MAP3K13: variants seen among roughly 807,000 people sequenced by gnomAD.
The protein encoded by MAP3K13 is mitogen-activated protein kinase kinase kinase 13.
Under a neutral mutation model 104.0 loss-of-function variants are expected in MAP3K13, and 52 were observed. The observed-to-expected ratio is 0.50, with a 90% CI of 0.40 to 0.63. The LOEUF is 0.63. Among genes scored for constraint, MAP3K13 ranks in the 20% least tolerant of loss-of-function variants. The probability of loss-of-function intolerance (pLI) is 0.00; values close to 1 mark genes in which losing one functional copy is unlikely to be tolerated. For synonymous variants in MAP3K13, 394 were observed against 442.2 expected, an observed-to-expected ratio of 0.89 and a Z score of 1.37; for missense variants, 914 against 1,218.5, an observed-to-expected ratio of 0.75 and a Z score of 3.72.
rs182670153 is a variant in MAP3K13, at chr3:185,288,500, T to G, written c.-86+2857T>G. Among the ~76,000 whole-genome samples, 823 of 132,766 alleles carry G rather than the reference T, an allele frequency of 6.2e-3. 4 individuals are homozygous for G. The highest frequency in any genetic ancestry group is 8.1e-3 in the Non-Finnish European group (512 of 63,096). The allele number at this position is 132,766 out of a possible 152,430, so 87.1% of individuals were successfully genotyped here. A position where few individuals can be genotyped will look rare whatever the true frequency, so the allele number is the denominator to read the frequency against. ...AGAAATATATGTGTGTGTATATATA[T>G]AGAGAGAGAAAAAGAGAATATGTGT... On this transcript the variant is annotated intron_variant, in intron 2 of 14. Coordinates refer to the MAP3K13 transcript ENST00000424227.
intron 2 of MAP3K13, among the ~76,000 whole-genome samples, chr3:185,431,091 T>A (rs964130843): frequency 3.3e-5 from 5 of 152,028 alleles, no homozygotes; most frequent in Admixed American, 6.6e-5. Flanking sequence ...GAGCACTCAC[T>A]CACTATCACC....
intron 1 of MAP3K13, among the ~76,000 whole-genome samples, chr3:185,364,729 C>A (rs772579255): frequency 1.3e-5 from 2 of 152,116 alleles, no homozygotes; most frequent in Non-Finnish European, 2.9e-5. Context: ...TTTGAACTTG[C>A]TGGAGTAATA....
chr3:185,453,606 T>C (rs1282206257), intron 7 of MAP3K13, among the ~76,000 whole-genome samples: 2 of 151,364 alleles, frequency 1.3e-5, no homozygotes, highest in African/African-American at 2.4e-5. Context: ...CTGTCTCTAC[T>C]AAAAATACAA....
chr3:185,402,340 A>T (rs147378497), intron 1 of MAP3K13, among the ~76,000 whole-genome samples: 41 of 152,160 alleles, frequency 2.7e-4, no homozygotes, highest in African/African-American at 9.6e-4. Flanking sequence ...TTTTTTCTAC[A>T]AATTATTTTT....
intron 2 of MAP3K13, among the ~76,000 whole-genome samples, chr3:185,356,519 T>C (rs1440965204): frequency 1.3e-5 from 2 of 152,210 alleles, no homozygotes; most frequent in African/African-American, 4.8e-5. Flanking sequence ...CTTTCCTTTA[T>C]CTCTGGTCTG....
chr3:185,451,149 C>A (rs1715858633), intron 6 of MAP3K13, 138 bp from the exon 7 acceptor site: 1 of 596,622 alleles, frequency 1.7e-6, no homozygotes, highest in Non-Finnish European at 3.0e-6. Flanking sequence ...TTATGCTATC[C>A]TGATATAATG....
chr3:185,362,957 GCACA>G (rs869143488), upstream of MAP3K13: 260 of 90,686 alleles, frequency 2.9e-3, no homozygotes, highest in African/African-American at 8.8e-3. Flanking sequence ...ACACACACAC[GCACA>G]CACACACACA....
chr3:185,304,929 G>T (rs1361668297), intron 2 of MAP3K13, among the ~76,000 whole-genome samples: 2 of 58,082 alleles, frequency 3.4e-5, no homozygotes, highest in Non-Finnish European at 9.8e-5. Flanking sequence ...ACCGCACCCG[G>T]CCACCCCTGT....
At chr3:185,412,797 T>C (rs1250922487) in intron 1 of MAP3K13, among the ~76,000 whole-genome samples, 1 of 152,234 alleles carries the variant, frequency 6.6e-6, no homozygotes, top group African/African-American at 2.4e-5. Context: ...TTGTTCATCC[T>C]GGAGCTTTTG....
At chr3:185,407,869 A>ATTTTTTTTTTTTTTTTTTTTTTTTT (rs35693572) in intron 1 of MAP3K13, among the ~76,000 whole-genome samples, 1 of 69,096 alleles carries the variant, frequency 1.4e-5, no homozygotes, top group Non-Finnish European at 2.7e-5. Flanking sequence ...AATTTTGAGA[A>ATTTTTTTTTTTTTTTTTTTTTTTTT]TTTTTTTTTT....
At chr3:185,391,275 C>T (rs1201581812) in intron 1 of MAP3K13, among the ~76,000 whole-genome samples, 1 of 152,170 alleles carries the variant, frequency 6.6e-6, no homozygotes, top group Non-Finnish European at 1.5e-5. Flanking sequence ...TTTTCTGTCT[C>T]TATGAATTTG....
intron 1 of MAP3K13, among the ~76,000 whole-genome samples, chr3:185,393,578 C>G (rs1712201870): frequency 6.6e-6 from 1 of 151,946 alleles, no homozygotes; most frequent in Non-Finnish European, 1.5e-5. Context: ...CCTGCCTCAG[C>G]CTCCTGAGTA....
chr3:185,480,330 C>T lies in MAP3K13; in HGVS notation c.2600C>T (p.Ser867Leu), dbSNP rs898988326. 1.2e-6 allele frequency: 2 copies of T among 1,614,228 alleles called. No homozygotes were observed. The highest frequency in any genetic ancestry group is 8.5e-7 in the Non-Finnish European group (1 of 1,180,052). ...GAAGAGGGAAATACCAGTGACCACT[C>T]AAACAGTCCTGATGAGTTAGCTGAT... The part of the protein sequence containing the change: ...DGEEGNTSDH[S>L]NSPDELADKL... The change falls in exon 13 of 14, where the codon TCA (serine) becomes TTA (leucine). Residue 867 changes from serine (S) to leucine (L), a missense_variant. Transcript: ENST00000265026.
At chr3:185,467,547 G>A (rs1024754435) in intron 10 of MAP3K13, among the ~76,000 whole-genome samples, 1 of 152,162 alleles carries the variant, frequency 6.6e-6, no homozygotes, top group Non-Finnish European at 1.5e-5. Flanking sequence ...CACTTTGGGA[G>A]GCCGAGGTGG....
chr3:185,456,958 G>A (rs996117614), intron 7 of MAP3K13, among the ~76,000 whole-genome samples: 1 of 152,090 alleles, frequency 6.6e-6, no homozygotes, highest in Non-Finnish European at 1.5e-5. Context: ...AGCAATTTCT[G>A]ATGATGGTAT....
chr3:185,466,369 C>CTTTTT (rs59523963), intron 9 of MAP3K13, among the ~76,000 whole-genome samples: 29 of 85,316 alleles, frequency 3.4e-4, no homozygotes, highest in African/African-American at 4.0e-4. Context: ...TTAGTATTTC[C>CTTTTT]TTTTTTTTTT....
Position 185,473,748 on chromosome 3 carries a change from G to A in MAP3K13, c.2417G>A (p.Arg806Lys), listed in dbSNP as rs757652611. The A allele has an allele frequency of 6.6e-5, 106 of 1,612,840 alleles. No homozygotes were observed. The highest frequency in any genetic ancestry group is 8.3e-5 in the Non-Finnish European group (98 of 1,179,668). ...GTPPALPRKT[R>K]PLQKSGDDSS... ...CCTCCAGCGCTACCTCGAAAAACAA[G>A]GCCTCTGCAGAAGGTAAAGTGTAAT... The change falls in exon 11 of 14, where the codon AGG becomes AAG. Residue 806 changes from arginine (R) to lysine (K), a missense_variant. Physicochemically the swap from Arg to Lys is conservative, Grantham distance 26. Transcript: ENST00000265026. This position sits in a 1 kb window ranked among gnomAD's most constrained non-coding sequence, Gnocchi z 4.9.
rs1033653401 is a variant in MAP3K13 at position 185,473,374 on chromosome 3, C to T, written c.2043C>T (p.Ser681=). ...RYFGPAAALR[S]PLSNHAQRQL... Reference sequence around the variant, plus strand: ...TCGGCCCAGCAGCAGCCCTGCGGAGCCCACTCAGCAACCATGCTCAGAGAC... The same window carrying T: ...TCGGCCCAGCAGCAGCCCTGCGGAGTCCACTCAGCAACCATGCTCAGAGAC... Residue 681 remains serine (S), a synonymous_variant, in exon 11 of 14, where the codon AGC becomes AGT. Coordinates refer to ENST00000265026, the MANE Select transcript of MAP3K13 (RefSeq NM_004721.5). The surrounding 1 kb of genome is among the most constrained non-coding windows in gnomAD (Gnocchi z 4.9). 4 of 1,614,112 alleles carry T rather than the reference C, an allele frequency of 2.5e-6. No homozygotes were observed. Among genetic ancestry groups the T allele is most frequent in the Non-Finnish European group, 1.7e-6 (2 of 1,180,054 alleles).
At chr3:185,478,170 C>G (rs981430690) in intron 12 of MAP3K13, among the ~76,000 whole-genome samples, 36 of 152,298 alleles carry the variant, frequency 2.4e-4, no homozygotes, top group Middle Eastern at 3.4e-3. Context: ...TTAGAAATAG[C>G]TTCTTGCTTA....
Sources: allele counts gnomAD v4.1 joint callset (sites outside exome capture counted in the v4.1 genomes callset), GRCh38; gene constraint gnomAD v4.1.1; non-coding constraint Gnocchi (gnomAD v3.1); transcripts MANE v1.5; gene names NCBI Gene and HGNC (gene_info 2026-07-23, HGNC 2026-07-21).